The following RSPH3 variants were observed in gnomAD, a reference collection of about 807,000 sequenced individuals.
The protein encoded by RSPH3 is radial spoke head protein 3 homolog.
A neutral mutation model predicts 43.8 loss-of-function variants in RSPH3; 21 were observed. The observed-to-expected ratio is 0.48, with a 90% CI of 0.34 to 0.69. The LOEUF (loss-of-function observed/expected upper bound fraction) is 0.69, where lower values mean the gene tolerates loss of function less well. Among genes scored for constraint, RSPH3 ranks in the 30% least tolerant of loss-of-function variants. RSPH3 has a pLI of 0.01. For synonymous variants in RSPH3, 173 were observed against 179.8 expected, an observed-to-expected ratio of 0.96 and a Z score of 0.30; for missense variants, 487 against 516.0, an observed-to-expected ratio of 0.94 and a Z score of 0.54.
At chr6:158,990,105 TC>T (rs1778357859) in intron 2 of RSPH3, among the ~76,000 whole-genome samples, 1 of 152,310 alleles carries the variant, frequency 6.6e-6, no homozygotes, top group East Asian at 1.9e-4. Flanking sequence ...CTGGACTGGC[TC>T]TCCTTGCTCC....
Position 158,984,434 on chromosome 6 carries a change from T to TTTTATATATATATATATATATATA in RSPH3, c.347-628_347-627insTATATATATATATATATATATAAA, listed in dbSNP as rs1300418942. ...AGTACAACAGTGGATAAAAAGTCAA[T>TTTTATATATATATATATATATATA]TATATATATATATATATATATATAT... On this transcript the variant is annotated intron_variant, in intron 3 of 7. Coordinates refer to ENST00000367069, the MANE Select transcript of RSPH3 (RefSeq NM_031924.8). Among the ~76,000 whole-genome samples the TTTTATATATATATATATATATATA allele has an allele frequency of 3.3e-3, 213 of 63,632 alleles. 19 individuals are homozygous for TTTTATATATATATATATATATATA. The highest frequency in any genetic ancestry group is 0.012 in the Admixed American group (58 of 4,658). 41.7% of individuals were successfully genotyped at this position (63,632 alleles called of 152,430 possible). A position where few individuals can be genotyped will look rare whatever the true frequency, so the allele number is the denominator to read the frequency against.
At chr6:158,963,316 CCTCTCTCTTTCCTTCCTT>C in the RSPH3 span, among the ~76,000 whole-genome samples, 1 of 149,308 alleles carries the variant, frequency 6.7e-6, no homozygotes. Context: ...CTCCCTCCCT[CCTCTCTCTTTCCTTCCTT>C]CCTTCTCCTT....
Position 158,997,311 on chromosome 6 carries a change from G to A in RSPH3, c.116+2124C>T, listed in dbSNP as rs1374437380. Among the ~76,000 whole-genome samples, 5 of 133,160 alleles carry A rather than the reference G, an allele frequency of 3.8e-5. 1 individual carries two copies. Among genetic ancestry groups the A allele is most frequent in the Admixed American group, 8.4e-5 (1 of 11,938 alleles). 87.4% of individuals were successfully genotyped at this position (133,160 alleles called of 152,430 possible). On this transcript the variant is annotated intron_variant, in intron 1 of 7. Transcript: ENST00000367069. The stretch of plus-strand genomic sequence containing the variant: ...TTTTGAGACAGAGTTTCGCTTTGTC[G>A]CCCAGGCTGGAGTGCAGTGGCGTGA...
intron 6 of RSPH3, 58 bp downstream of exon 6, chr6:158,980,716 G>T: frequency 7.6e-7 from 1 of 1,322,798 alleles, no homozygotes; most frequent in Non-Finnish European, 1.1e-6. Context: ...AGATAAATTT[G>T]AACCATTAAG....
chr6:158,978,195 C>T (rs1777915066), intron 7 of RSPH3, 65 bp downstream of exon 7: 3 of 834,512 alleles, frequency 3.6e-6, no homozygotes, highest in Non-Finnish European at 4.0e-6. Context: ...ATCTTTCTTT[C>T]AGTTATTCAA....
In RSPH3 at chr6:159,000,010, T is replaced by C. The variant is rs779081089; in HGVS notation, c.-460A>G. ...CCTGCGGGGCAACGGTGGCTGTCCT[T>C]GGCCCGGCTTTGGAATGTGGCTTTG... On this transcript the variant is annotated 5_prime_UTR_variant, in exon 1 of 8. Coordinates refer to ENST00000367069, the MANE Select transcript of RSPH3 (RefSeq NM_031924.8). 6.5e-7 allele frequency: 1 copy of C among 1,542,956 alleles called. No homozygotes were observed. The highest frequency in any genetic ancestry group is 2.3e-5 in the East Asian group (1 of 44,070).
At chr6:158,963,068 T>C in the RSPH3 span, among the ~76,000 whole-genome samples, 6 of 152,312 alleles carry the variant, frequency 3.9e-5, no homozygotes, top group South Asian at 1.2e-3. Flanking sequence ...ATTAAATCAA[T>C]AATTGCACTT....
chr6:158,998,513 T>C (rs933485681), intron 1 of RSPH3, among the ~76,000 whole-genome samples: 2 of 150,860 alleles, frequency 1.3e-5, no homozygotes, highest in Non-Finnish European at 3.0e-5. Context: ...TTTGTTTTTT[T>C]TCTTTCCTAT....
In RSPH3 at chr6:158,984,473, T is replaced by TATATATATA. The variant is rs1164216163; in HGVS notation, c.347-667_347-666insTATATATAT. On this transcript the variant is annotated intron_variant, in intron 3 of 7. Coordinates refer to ENST00000367069, the MANE Select transcript of RSPH3 (RefSeq NM_031924.8). ...ATATATATATATATATATATATATA[T>TATATATATA]ATTTGAGTCCTAAGATAGTAAACAT... 2.1e-3 allele frequency among the ~76,000 whole-genome samples: 275 copies of TATATATATA among 128,428 alleles called. 3 individuals carry two copies. Among genetic ancestry groups the TATATATATA allele is most frequent in the African/African-American group, 7.8e-3 (263 of 33,676 alleles). 84.3% of individuals were successfully genotyped at this position (128,428 alleles called of 152,430 possible).
chr6:158,986,497 A>C, intron 2 of RSPH3, 76 bp from the exon 3 acceptor site: 1 of 1,195,438 alleles, frequency 8.4e-7, no homozygotes. Flanking sequence ...TTCCAAAAGC[A>C]ATTCCTGAGT....
chr6:158,966,611 G>T, the RSPH3 span, among the ~76,000 whole-genome samples: 1 of 151,888 alleles, frequency 6.6e-6, no homozygotes, highest in Non-Finnish European at 1.5e-5. Context: ...GTGGCCTACA[G>T]TTGTTCATAA....
chr6:158,983,583 C>G, intron 4 of RSPH3, 79 bp downstream of exon 4: 1 of 1,026,002 alleles, frequency 9.7e-7, no homozygotes, highest in Non-Finnish European at 1.5e-6. Context: ...GTGGTTCTTG[C>G]TCATATTAAG....
chr6:158,982,985 TA>T (rs2128606800), intron 4 of RSPH3, among the ~76,000 whole-genome samples: 1 of 152,354 alleles, frequency 6.6e-6, no homozygotes, highest in Admixed American at 6.5e-5. Context: ...GTTTGATTTT[TA>T]TTTATTTTTA....
At chr6:158,966,618 A>G in the RSPH3 span, among the ~76,000 whole-genome samples, 1 of 146,690 alleles carries the variant, frequency 6.8e-6, no homozygotes, top group Admixed American at 6.9e-5. Context: ...ACAGTTGTTC[A>G]TAATATTCCC....
chr6:158,992,999 G>A (rs1778467247), intron 2 of RSPH3, among the ~76,000 whole-genome samples: 1 of 152,170 alleles, frequency 6.6e-6, no homozygotes, highest in Admixed American at 6.5e-5. Flanking sequence ...CTCAAAATGT[G>A]GGCCTCTGGC....
Position 159,000,004 on chromosome 6 carries a change from T to C in RSPH3, c.-454A>G, listed in dbSNP as rs1219505035. ...TTGAGGCCTGCGGGGCAACGGTGGC[T>C]GTCCTTGGCCCGGCTTTGGAATGTG... On this transcript the variant is annotated 5_prime_UTR_variant, in exon 1 of 8. Coordinates refer to ENST00000367069, the MANE Select transcript of RSPH3 (RefSeq NM_031924.8). 1 of 1,551,192 alleles carries C rather than the reference T, an allele frequency of 6.4e-7. No homozygotes were observed. The highest frequency in any genetic ancestry group is 2.3e-5 in the East Asian group (1 of 44,206).
rs570072090 is a variant in RSPH3, at chr6:158,977,930, A to C, written c.947-82T>G. 52 of 1,257,662 alleles carry C rather than the reference A, an allele frequency of 4.1e-5. No individual in the cohort carries two copies. The East Asian group carries it at 1.2e-3, about 28-fold the overall frequency. 77.9% of individuals were successfully genotyped at this position (1,257,662 alleles called of 1,614,324 possible). ...GAGTTATAATGCTCACTTATAGATG[A>C]TTACAAAAACCTTCACGAAGCCTCA... On this transcript the variant is annotated intron_variant, in intron 7 of 7. Transcript: ENST00000367069.
At chr6:158,984,808 C>A (rs1778172397) in intron 3 of RSPH3, among the ~76,000 whole-genome samples, 1 of 151,902 alleles carries the variant, frequency 6.6e-6, no homozygotes, top group African/African-American at 2.4e-5. Context: ...AGATAAAGGA[C>A]CTGGTTCAGT....
Position 158,977,963 on chromosome 6 carries a change from C to T in RSPH3, c.947-115G>A, listed in dbSNP as rs1777906964. ...AACCTTCACGAAGCCTCATCTCTTT[C>T]CTATGTCATAACCTTTTTTGGAAGT... On this transcript the variant is annotated intron_variant, in intron 7 of 7. Coordinates refer to ENST00000367069, the MANE Select transcript of RSPH3 (RefSeq NM_031924.8). 16 of 860,424 alleles carry T rather than the reference C, an allele frequency of 1.9e-5. No homozygotes were observed. In the South Asian group the frequency reaches 2.8e-4, roughly 15 times the overall value. 53.3% of individuals were successfully genotyped at this position (860,424 alleles called of 1,614,324 possible). A position where few individuals can be genotyped will look rare whatever the true frequency, so the allele number is the denominator to read the frequency against.
Sources: gnomAD v4.1 joint callset for allele counts (sites outside exome capture counted in the v4.1 genomes callset) on GRCh38, gnomAD v4.1.1 for gene constraint, MANE v1.5 for transcripts, NCBI Gene and HGNC (gene_info 2026-07-23, HGNC 2026-07-21) for gene names.